The following GHR variants were observed in gnomAD, a reference collection of about 807,000 sequenced individuals.
GHR encodes the protein GH receptor.
A neutral mutation model predicts 67.1 loss-of-function variants in GHR; 35 were observed. The ratio of observed to expected loss-of-function variants is 0.52; its 90% CI spans 0.40 to 0.69. The LOEUF (loss-of-function observed/expected upper bound fraction) is 0.69. GHR is among the 30% of genes least tolerant of loss of function. The probability of loss-of-function intolerance (pLI) is 0.00; values close to 1 mark genes in which losing one functional copy is unlikely to be tolerated. For synonymous variants in GHR, 272 were observed against 269.1 expected, an observed-to-expected ratio of 1.01 and a Z score of -0.10; for missense variants, 792 against 764.6, an observed-to-expected ratio of 1.04 and a Z score of -0.42.
intron 1 of GHR, among the ~76,000 whole-genome samples, chr5:42,527,431 A>G (rs756738681): frequency 6.6e-6 from 1 of 152,194 alleles, no homozygotes; most frequent in Admixed American, 6.5e-5. Flanking sequence ...AGACAAACAG[A>G]CTTTAAACCA....
At chr5:42,477,057 A>G (rs1439039569) in intron 1 of GHR, among the ~76,000 whole-genome samples, 6 of 106,732 alleles carry the variant, frequency 5.6e-5, no homozygotes, top group South Asian at 3.3e-4. Flanking sequence ...AACAGTCCCC[A>G]GTGTGTGATG....
intron 1 of GHR, among the ~76,000 whole-genome samples, chr5:42,474,345 A>AGAAAGAAAGAAAGAAAGAAAAGAAT: frequency 7.2e-6 from 1 of 139,154 alleles, no homozygotes; most frequent in Non-Finnish European, 1.6e-5. Context: ...AAGAAAAGAA[A>AGAAAGAAAGAAAGAAAGAAAAGAAT]TAAAGAAAGA....
At chr5:42,575,902 C>T (rs1750636335) in intron 2 of GHR, among the ~76,000 whole-genome samples, 2 of 151,280 alleles carry the variant, frequency 1.3e-5, no homozygotes, top group South Asian at 4.2e-4. Flanking sequence ...GGCAGGGTGG[C>T]GGGCACCTGT....
chr5:42,562,225 T>C (rs560786402), intron 1 of GHR, among the ~76,000 whole-genome samples: 38 of 152,280 alleles, frequency 2.5e-4, no homozygotes, highest in African/African-American at 9.1e-4. Context: ...TACAATCCAA[T>C]TGAATGTCAC....
chr5:42,480,326 A>G (rs1248659965), intron 1 of GHR, among the ~76,000 whole-genome samples: 1 of 152,168 alleles, frequency 6.6e-6, no homozygotes, highest in Non-Finnish European at 1.5e-5. Context: ...CAATTTTGGA[A>G]TAGGTGTGGT....
At chr5:42,663,583 T>G (rs894320919) in intron 3 of GHR, among the ~76,000 whole-genome samples, 129 of 152,160 alleles carry the variant, frequency 8.5e-4, no homozygotes, top group Non-Finnish European at 1.0e-3. Flanking sequence ...TAGGTATTGA[T>G]GGGACATATC....
Position 42,425,485 on chromosome 5 carries a change from ACC to A in GHR, c.-12+1531_-12+1532del, listed in dbSNP as rs1742812227. Among the ~76,000 whole-genome samples the A allele has an allele frequency of 6.6e-5, 10 of 152,208 alleles. No individual in the cohort carries two copies. In the South Asian group the frequency reaches 2.1e-3, roughly 32 times the overall value. On this transcript the variant is annotated intron_variant, in intron 1 of 9. Coordinates refer to ENST00000230882, the MANE Select transcript of GHR (RefSeq NM_000163.5). ...CTTTTTTCTGATGATAAATGTTGAA[ACC>A]TTTCCAGAAATTAAAATGCTGGATA...
At chr5:42,547,930 C>T (rs1321402272) in intron 1 of GHR, 1 of 207,336 alleles carries the variant, frequency 4.8e-6, no homozygotes, top group Non-Finnish European at 8.4e-6. Flanking sequence ...CAAATGGTCA[C>T]TTCTGCCTTT....
intron 6 of GHR, among the ~76,000 whole-genome samples, chr5:42,709,243 C>CG (rs1174066394): frequency 2.0e-5 from 3 of 152,148 alleles, no homozygotes; most frequent in Admixed American, 6.5e-5. Context: ...AAGTGATTCT[C>CG]GTGCCTCAGA....
In GHR at chr5:42,603,116, T is replaced by C. The variant is rs182256370; in HGVS notation, c.71-25922T>C. Among the ~76,000 whole-genome samples the C allele has an allele frequency of 3.0e-3, 440 of 145,244 alleles. 2 individuals carry two copies. The highest frequency in any genetic ancestry group is 0.011 in the African/African-American group (430 of 38,962). On this transcript the variant is annotated intron_variant, in intron 2 of 9. Coordinates refer to ENST00000230882, the MANE Select transcript of GHR (RefSeq NM_000163.5). ...TTTTGAAGGACAGGATTGCTGGGTA[T>C]AGCCGTCTTTGTTGTTAGGTTTTGT...
chr5:42,424,405 C>A lies in GHR; in HGVS notation c.-12+450C>A. On this transcript the variant is annotated intron_variant, in intron 1 of 9. Transcript: ENST00000230882. The surrounding 1 kb of genome is among the most constrained non-coding windows in gnomAD (Gnocchi z 4.1). ...ATCTGCCTGGCTGCGGCAGGAACTG[C>A]CGAGGCTGCTGCTGTTGCGCGGGGA... 1 of 604,506 alleles carries A rather than the reference C, an allele frequency of 1.7e-6. No homozygotes were observed. Among genetic ancestry groups the A allele is most frequent in the Non-Finnish European group, 3.0e-6 (1 of 337,918 alleles). 37.4% of individuals were successfully genotyped at this position (604,506 alleles called of 1,614,324 possible). A position where few individuals can be genotyped will look rare whatever the true frequency, so the allele number is the denominator to read the frequency against.
intron 1 of GHR, among the ~76,000 whole-genome samples, chr5:42,481,534 G>A (rs1046601639): frequency 3.3e-5 from 5 of 152,258 alleles, no homozygotes; most frequent in South Asian, 4.1e-4. Flanking sequence ...CCAATCAGAC[G>A]TAGATTTGGT....
intron 1 of GHR, among the ~76,000 whole-genome samples, chr5:42,484,592 G>A (rs749787119): frequency 6.6e-6 from 1 of 152,188 alleles, no homozygotes; most frequent in African/African-American, 2.4e-5. Flanking sequence ...CTGCCCTGAG[G>A]AGAGCCCAGA....
At chr5:42,623,839 A>G (rs536910267) in intron 2 of GHR, among the ~76,000 whole-genome samples, 4 of 152,324 alleles carry the variant, frequency 2.6e-5, no homozygotes, top group Middle Eastern at 3.4e-3. Flanking sequence ...CCAAGACCAC[A>G]GTTCGTAATG....
intron 1 of GHR, among the ~76,000 whole-genome samples, chr5:42,489,034 T>C (rs1485429329): frequency 6.6e-6 from 1 of 152,120 alleles, no homozygotes; most frequent in Non-Finnish European, 1.5e-5. Flanking sequence ...GTTCCACTTA[T>C]TTCCTATTCC....
At chr5:42,433,732 A>ATTTTTTTTTTTTTTTTTTTTT (rs35539827) in intron 1 of GHR, among the ~76,000 whole-genome samples, 2 of 77,584 alleles carry the variant, frequency 2.6e-5, no homozygotes, top group Non-Finnish European at 4.7e-5. Flanking sequence ...AAGATATGGT[A>ATTTTTTTTTTTTTTTTTTTTT]TTTTTTTTTT....
At chr5:42,569,033 ACGTGAGGGATAC>A (rs1257441481) in intron 2 of GHR, among the ~76,000 whole-genome samples, 2 of 152,208 alleles carry the variant, frequency 1.3e-5, no homozygotes, top group African/African-American at 4.8e-5. Flanking sequence ...AGTGATGATG[ACGTGAGGGATAC>A]CTCAGCTGTG....
chr5:42,618,024 TTAAAGTTCAATA>T (rs1753256190), intron 2 of GHR, among the ~76,000 whole-genome samples: 1 of 152,098 alleles, frequency 6.6e-6, no homozygotes, highest in Admixed American at 6.6e-5. Context: ...AGATTTAGAT[TTAAAGTTCAATA>T]CCCATAAAGG....
intron 1 of GHR, among the ~76,000 whole-genome samples, chr5:42,470,256 T>C (rs1579760520): frequency 6.9e-6 from 1 of 144,794 alleles, no homozygotes; most frequent in East Asian, 1.9e-4. Flanking sequence ...TTACATGTAT[T>C]AATATATATT....
Sources: gnomAD v4.1 joint callset for allele counts (sites outside exome capture counted in the v4.1 genomes callset) on GRCh38, gnomAD v4.1.1 for gene constraint, Gnocchi (gnomAD v3.1) non-coding constraint, MANE v1.5 for transcripts, NCBI Gene and HGNC (gene_info 2026-07-23, HGNC 2026-07-21) for gene names.